CNTNAP2: variants seen among roughly 807,000 people sequenced by gnomAD.
The protein encoded by CNTNAP2 is contactin associated protein 2, also known as contactin-associated protein-like 2.
A neutral mutation model predicts 155.2 loss-of-function variants in CNTNAP2; 98 were observed. The observed-to-expected ratio is 0.63, with a 90% CI of 0.54 to 0.75. The LOEUF (loss-of-function observed/expected upper bound fraction) is 0.75. CNTNAP2 is among the 30% of genes least tolerant of loss of function. The pLI is 0.00. For synonymous variants in CNTNAP2, 651 were observed against 631.2 expected, an observed-to-expected ratio of 1.03 and a Z score of -0.47; for missense variants, 1,727 against 1,688.1, an observed-to-expected ratio of 1.02 and a Z score of -0.40.
Position 147,290,993 on chromosome 7 carries a change from T to A in CNTNAP2, c.1349-9148T>A, listed in dbSNP as rs1015185994. Among the ~76,000 whole-genome samples, 8 of 152,150 alleles carry A rather than the reference T, an allele frequency of 5.3e-5. No homozygotes were observed. In the East Asian group the frequency reaches 1.5e-3, roughly 29 times the overall value. Reference sequence around the variant, plus strand: ...AAAAGTACAATTCAATGGATTTGGATGAGTATATACACTTAGACAGCAAAC... The same window carrying A: ...AAAAGTACAATTCAATGGATTTGGAAGAGTATATACACTTAGACAGCAAAC... On this transcript the variant is annotated intron_variant, in intron 8 of 23. Transcript: ENST00000361727.
In CNTNAP2 at chr7:147,113,325, G is replaced by A. The variant is rs117103847; in HGVS notation, c.754+4975G>A. The stretch of plus-strand genomic sequence containing the variant: ...ATTTCTGGTTGTGTTTATTTGAATC[G>A]TCTCTCTTTTCTTCTTTATTATTCT... On this transcript the variant is annotated intron_variant, in intron 5 of 23. Coordinates refer to ENST00000361727, the MANE Select transcript of CNTNAP2 (RefSeq NM_014141.6). Among the ~76,000 whole-genome samples the A allele has an allele frequency of 3.5e-3, 532 of 151,742 alleles. 3 individuals carry two copies. The highest frequency in any genetic ancestry group is 0.015 in the East Asian group (78 of 5,148).
At chr7:146,817,982 CTG>C (rs1803206495) in intron 2 of CNTNAP2, among the ~76,000 whole-genome samples, 1 of 152,106 alleles carries the variant, frequency 6.6e-6, no homozygotes, top group Non-Finnish European at 1.5e-5. Context: ...AGTTATTATT[CTG>C]TGTCACTTCC....
intron 21 of CNTNAP2, among the ~76,000 whole-genome samples, chr7:148,307,204 GTC>G (rs1797505750): frequency 6.6e-6 from 1 of 152,156 alleles, no homozygotes; most frequent in Non-Finnish European, 1.5e-5. Context: ...CCAACTGAGA[GTC>G]TCTGTGTCCT....
At chr7:146,220,665 A>C (rs1799192440) in intron 1 of CNTNAP2, among the ~76,000 whole-genome samples, 1 of 152,232 alleles carries the variant, frequency 6.6e-6, no homozygotes, top group South Asian at 2.1e-4. Flanking sequence ...GGTTAATAAA[A>C]TATTGATACA....
At chr7:148,239,299 C>A (rs1205808816) in intron 20 of CNTNAP2, among the ~76,000 whole-genome samples, 1 of 152,138 alleles carries the variant, frequency 6.6e-6, no homozygotes, top group Admixed American at 6.5e-5. Flanking sequence ...CTTTAATGAA[C>A]GACTGACATG....
At chr7:146,411,529 G>A (rs1480057816) in intron 1 of CNTNAP2, among the ~76,000 whole-genome samples, 2 of 152,048 alleles carry the variant, frequency 1.3e-5, no homozygotes, top group Non-Finnish European at 2.9e-5. Flanking sequence ...ATTAACATTT[G>A]TTAATTAACT....
At chr7:147,448,871 T>C (rs937440375) in intron 10 of CNTNAP2, among the ~76,000 whole-genome samples, 2 of 152,188 alleles carry the variant, frequency 1.3e-5, no homozygotes, top group Non-Finnish European at 2.9e-5. Context: ...TAATCTATTG[T>C]TATGTTAATT....
At chr7:146,924,633 A>G (rs1448151894) in intron 3 of CNTNAP2, among the ~76,000 whole-genome samples, 1 of 152,146 alleles carries the variant, frequency 6.6e-6, no homozygotes, top group African/African-American at 2.4e-5. Context: ...ATAGAGTAAT[A>G]GTGAGATAAA....
intron 8 of CNTNAP2, among the ~76,000 whole-genome samples, chr7:147,255,382 T>A (rs2116669971): frequency 6.6e-6 from 1 of 152,162 alleles, no homozygotes. Flanking sequence ...CCACTACGGC[T>A]GACTAATTTC....
At chr7:147,723,320 C>T (rs1563065681) in intron 13 of CNTNAP2, among the ~76,000 whole-genome samples, 1 of 151,950 alleles carries the variant, frequency 6.6e-6, no homozygotes, top group Non-Finnish European at 1.5e-5. Flanking sequence ...AGGACCCAGA[C>T]AGCCAAATTA....
chr7:146,609,434 T>C (rs1179240893), intron 1 of CNTNAP2, among the ~76,000 whole-genome samples: 3 of 152,244 alleles, frequency 2.0e-5, no homozygotes, highest in Non-Finnish European at 4.4e-5. Context: ...GTCACCCCAA[T>C]ACTGCACTGT....
chr7:148,361,931 G>A (rs1469044196), intron 21 of CNTNAP2, among the ~76,000 whole-genome samples: 3 of 152,060 alleles, frequency 2.0e-5, no homozygotes, highest in East Asian at 1.9e-4. Context: ...GGTGGCTCAC[G>A]CCTGTAATCC....
At position 146,116,847 on chromosome 7, in the gene CNTNAP2, C is replaced by T; in HGVS notation, c.-30C>T. On this transcript the variant is annotated 5_prime_UTR_variant, in exon 1 of 24. Coordinates refer to ENST00000361727, the MANE Select transcript of CNTNAP2 (RefSeq NM_014141.6). This position sits in a 1 kb window ranked among gnomAD's most constrained non-coding sequence, Gnocchi z 5.5. ...TCGGACTGCATCTCCGCAGCGAGCT[C>T]TTGGAGCGCCGCCGGCCGGGAGGCG... The T allele has an allele frequency of 3.3e-6, 5 of 1,529,692 alleles. No individual in the cohort carries two copies. Among genetic ancestry groups the T allele is most frequent in the South Asian group, 1.2e-5 (1 of 83,512 alleles). 94.8% of individuals were successfully genotyped at this position (1,529,692 alleles called of 1,614,324 possible).
chr7:146,970,523 A>G (rs1035714257), intron 3 of CNTNAP2, among the ~76,000 whole-genome samples: 19 of 152,244 alleles, frequency 1.2e-4, no homozygotes, highest in African/African-American at 4.1e-4. Flanking sequence ...ACCATCCCAC[A>G]CCAGTTAGAA....
chr7:146,170,547 C>T (rs1798375158), intron 1 of CNTNAP2, among the ~76,000 whole-genome samples: 1 of 151,884 alleles, frequency 6.6e-6, no homozygotes, highest in African/African-American at 2.4e-5. Context: ...TGCACCTCAC[C>T]ACTAATATTT....
intron 13 of CNTNAP2, among the ~76,000 whole-genome samples, chr7:147,857,420 A>G (rs1315783179): frequency 6.6e-6 from 1 of 152,220 alleles, no homozygotes; most frequent in African/African-American, 2.4e-5. Context: ...AAGTTTTCAA[A>G]TGCTATTCAC....
At chr7:148,008,335 A>G (rs907354127) in intron 15 of CNTNAP2, among the ~76,000 whole-genome samples, 13 of 152,164 alleles carry the variant, frequency 8.5e-5, no homozygotes, top group East Asian at 1.9e-4. Flanking sequence ...TCACGCCACT[A>G]CACTCCAGCC....
At chr7:147,778,862 T>C (rs1245956664) in intron 13 of CNTNAP2, among the ~76,000 whole-genome samples, 1 of 152,170 alleles carries the variant, frequency 6.6e-6, no homozygotes, top group South Asian at 2.1e-4. Context: ...TCTTTTTCTT[T>C]TGTAACAAAC....
chr7:147,469,869 T>C (rs1156683710), intron 10 of CNTNAP2, among the ~76,000 whole-genome samples: 2 of 152,084 alleles, frequency 1.3e-5, no homozygotes, highest in African/African-American at 4.8e-5. Context: ...TGGGATGGCA[T>C]TTGTGCACAA....
Sources: gnomAD v4.1 joint callset for allele counts (sites outside exome capture counted in the v4.1 genomes callset) on GRCh38, gnomAD v4.1.1 for gene constraint, Gnocchi (gnomAD v3.1) non-coding constraint, MANE v1.5 for transcripts, NCBI Gene and HGNC (gene_info 2026-07-23, HGNC 2026-07-21) for gene names.